The following HSD17B12 variants were observed in gnomAD, a reference collection of about 807,000 sequenced individuals.
HSD17B12 encodes very-long-chain 3-oxoacyl-CoA reductase.
Under a neutral mutation model 39.3 loss-of-function variants are expected in HSD17B12, and 32 were observed. The ratio of observed to expected loss-of-function variants is 0.81; its 90% CI spans 0.61 to 1.09. The LOEUF is 1.09. HSD17B12 is among the 50% of genes least tolerant of loss of function. HSD17B12 has a pLI of 0.00. For missense variants in HSD17B12, 342 were observed against 382.9 expected, an observed-to-expected ratio of 0.89 and a Z score of 0.89; for synonymous variants, 150 against 146.7, an observed-to-expected ratio of 1.02 and a Z score of -0.16.
chr11:43,719,032 T>C, intron 1 of HSD17B12: 4 of 932,790 alleles, frequency 4.3e-6, no homozygotes, highest in Non-Finnish European at 7.0e-6. Flanking sequence ...TCTATGACAT[T>C]GATGTGGCCA....
chr11:43,655,554 G>A, the HSD17B12 span, among the ~76,000 whole-genome samples: 1 of 152,094 alleles, frequency 6.6e-6, no homozygotes, highest in African/African-American at 2.4e-5. Flanking sequence ...CTCATAGATA[G>A]CTCTTATTAT....
intron 1 of HSD17B12, among the ~76,000 whole-genome samples, chr11:43,728,280 G>T (rs1436657894): frequency 6.6e-6 from 1 of 152,002 alleles, no homozygotes; most frequent in Non-Finnish European, 1.5e-5. Flanking sequence ...TGGCCGGGCT[G>T]GTCATGAACT....
chr11:43,763,473 C>G (rs879473958), intron 3 of HSD17B12, among the ~76,000 whole-genome samples: 2 of 151,774 alleles, frequency 1.3e-5, no homozygotes, highest in Non-Finnish European at 2.9e-5. Context: ...ATTTTGATAG[C>G]TTTATCATTA....
intron 3 of HSD17B12, among the ~76,000 whole-genome samples, chr11:43,779,101 A>C (rs867669964): frequency 3.3e-5 from 5 of 152,176 alleles, no homozygotes; most frequent in South Asian, 2.1e-4. Flanking sequence ...TGACCTTCAA[A>C]ATTTATGGCT....
At chr11:43,851,580 CA>C (rs1951531218) in intron 9 of HSD17B12, among the ~76,000 whole-genome samples, 1 of 152,134 alleles carries the variant, frequency 6.6e-6, no homozygotes, top group South Asian at 2.1e-4. Flanking sequence ...TTGGCTTAAA[CA>C]TTCATATTAT....
intron 9 of HSD17B12, among the ~76,000 whole-genome samples, chr11:43,846,887 C>T (rs1266054660): frequency 1.3e-5 from 2 of 152,212 alleles, no homozygotes; most frequent in Non-Finnish European, 2.9e-5. Flanking sequence ...TCATGTTCCA[C>T]ATGTCTTCAG....
the HSD17B12 span, among the ~76,000 whole-genome samples, chr11:43,654,829 T>G: frequency 6.6e-6 from 1 of 152,242 alleles, no homozygotes; most frequent in Non-Finnish European, 1.5e-5. Flanking sequence ...TCAGGTAGCA[T>G]GATACCTCCA....
At position 43,816,345 on chromosome 11, in the gene HSD17B12, A is replaced by G; in HGVS notation, c.457-2A>G. On this transcript the variant is annotated splice_acceptor_variant, in intron 5 of 10. Transcript: ENST00000278353. LOFTEE classifies it high-confidence loss of function. ...TATAAAATTCTCAATATTTTTTTGC[A>G]GGTGATCAAGAAAATGATAAATATT... 6.7e-7 allele frequency: 1 copy of G among 1,496,762 alleles called. No homozygotes were observed. The highest frequency in any genetic ancestry group is 1.2e-5 in the South Asian group (1 of 80,946). The allele number at this position is 1,496,762 out of a possible 1,614,324, so 92.7% of individuals were successfully genotyped here.
At chr11:43,774,709 C>T (rs561280067) in intron 3 of HSD17B12, among the ~76,000 whole-genome samples, 2 of 152,230 alleles carry the variant, frequency 1.3e-5, no homozygotes, top group South Asian at 4.1e-4. Flanking sequence ...GAGATTGGTA[C>T]TTATATTATT....
the HSD17B12 span, chr11:43,584,581 C>T: frequency 6.6e-6 from 1 of 152,250 alleles, no homozygotes; most frequent in African/African-American, 2.4e-5. Flanking sequence ...TGTCCTGACA[C>T]CCAGAGGTCT....
chr11:43,850,708 T>C (rs1298697644), intron 9 of HSD17B12, among the ~76,000 whole-genome samples: 1 of 152,240 alleles, frequency 6.6e-6, no homozygotes, highest in Admixed American at 6.5e-5. Flanking sequence ...TCAAGCCCCC[T>C]GAATTGTACT....
At chr11:43,712,521 T>C (rs1590683405) in intron 1 of HSD17B12, among the ~76,000 whole-genome samples, 2 of 151,996 alleles carry the variant, frequency 1.3e-5, no homozygotes. Flanking sequence ...TTTCAACCAA[T>C]TGCCAATCAG....
chr11:43,586,064 G>T, the HSD17B12 span, among the ~76,000 whole-genome samples: 4 of 152,056 alleles, frequency 2.6e-5, no homozygotes, highest in Non-Finnish European at 5.9e-5. Context: ...ACACAGCTGG[G>T]GCTCAACCCC....
the HSD17B12 span, among the ~76,000 whole-genome samples, chr11:43,586,360 T>C: frequency 1.3e-5 from 2 of 152,194 alleles, no homozygotes; most frequent in East Asian, 3.8e-4. Flanking sequence ...GAGGAAGTCA[T>C]CAGCACAAGA....
At chr11:43,604,914 C>G in the HSD17B12 span, among the ~76,000 whole-genome samples, 4 of 152,194 alleles carry the variant, frequency 2.6e-5, no homozygotes, top group Non-Finnish European at 5.9e-5. Flanking sequence ...GTAACCTTAG[C>G]AGGCTGCTAA....
At chr11:43,733,542 C>T (rs1398938454) in intron 1 of HSD17B12, among the ~76,000 whole-genome samples, 1 of 152,196 alleles carries the variant, frequency 6.6e-6, no homozygotes, top group Non-Finnish European at 1.5e-5. Context: ...TTAGGATTCT[C>T]TGTATTCTGT....
chr11:43,825,156 G>A (rs1039075377), intron 6 of HSD17B12, among the ~76,000 whole-genome samples: 5 of 151,938 alleles, frequency 3.3e-5, no homozygotes, highest in African/African-American at 1.2e-4. Context: ...TTGGAGTGGA[G>A]GGACACAAAC....
upstream of HSD17B12, among the ~76,000 whole-genome samples, chr11:43,676,328 A>G: frequency 6.6e-6 from 1 of 152,248 alleles, no homozygotes. Flanking sequence ...AGGTGGATAT[A>G]TATACTGTAT....
At chr11:43,707,833 G>A (rs1950029750) in intron 1 of HSD17B12, among the ~76,000 whole-genome samples, 1 of 152,022 alleles carries the variant, frequency 6.6e-6, no homozygotes. Context: ...AAGTTGTCTT[G>A]GTCAGTTTGG....
Sources: allele counts gnomAD v4.1 joint callset (sites outside exome capture counted in the v4.1 genomes callset), GRCh38; gene constraint gnomAD v4.1.1; transcripts MANE v1.5; gene names NCBI Gene and HGNC (gene_info 2026-07-23, HGNC 2026-07-21).